Variants in RAD17 observed in about 807,000 individuals in gnomAD.
RAD17 encodes the protein cell cycle checkpoint protein RAD17.
RAD17 carries 31 observed loss-of-function variants against 81.5 expected under a neutral mutation model. The observed-to-expected ratio is 0.38, with a 90% CI of 0.29 to 0.51. RAD17 has a LOEUF of 0.51. Among genes scored for constraint, RAD17 ranks in the 20% least tolerant of loss-of-function variants. RAD17 has a pLI of 0.88. For missense variants in RAD17, 681 were observed against 781.2 expected (o/e 0.87, Z 1.53); for synonymous variants, 261 against 266.2 (o/e 0.98, Z 0.19).
chr5:69,397,869 G>A (rs1221789481), intron 16 of RAD17, among the ~76,000 whole-genome samples: 1 of 152,184 alleles, frequency 6.6e-6, no homozygotes, highest in Non-Finnish European at 1.5e-5. Context: ...TGTAATCCCA[G>A]CACTTTGGGA....
chr5:69,386,052 A>T lies in RAD17; in HGVS notation c.655A>T (p.Asn219Tyr). The T allele has an allele frequency of 8.2e-6, 13 of 1,592,312 alleles. No individual in the cohort carries two copies. The highest frequency in any genetic ancestry group is 1.1e-5 in the Non-Finnish European group (13 of 1,171,020). ...TTTTTATTTTCAATAGGATTTACCTAACCAGTTTTATCGGGATTCTCATAC... is the reference window on the plus strand; with the variant it reads ...TTTTTATTTTCAATAGGATTTACCTTACCAGTTTTATCGGGATTCTCATAC... ...KKIILVEDLP[N>Y]QFYRDSHTLH... Residue 219 changes from asparagine to tyrosine, a missense_variant, in exon 9 of 19, where the codon AAC becomes TAC. Asn to Tyr is a moderately radical substitution (Grantham distance 143). Transcript: ENST00000354868.
At chr5:69,374,489 C>T in intron 5 of RAD17, 139 bp from the exon 6 acceptor site, 1 of 555,162 alleles carries the variant, frequency 1.8e-6, no homozygotes, top group Non-Finnish European at 3.1e-6. Flanking sequence ...CAAGTATAAT[C>T]AAAAGGATCA....
At chr5:69,409,635 G>A (rs569946791) in intron 17 of RAD17, among the ~76,000 whole-genome samples, 1 of 152,282 alleles carries the variant, frequency 6.6e-6, no homozygotes, top group South Asian at 2.1e-4. Flanking sequence ...CTGTCATCCT[G>A]AAAGTTTACT....
intron 15 of RAD17, among the ~76,000 whole-genome samples, chr5:69,394,758 G>A (rs1764779788): frequency 6.6e-6 from 1 of 152,144 alleles, no homozygotes. Flanking sequence ...ATATTTCTGT[G>A]TGCTATAAAT....
chr5:69,391,152 C>T (rs996950852), intron 12 of RAD17, among the ~76,000 whole-genome samples: 1 of 150,668 alleles, frequency 6.6e-6, no homozygotes, highest in Non-Finnish European at 1.5e-5. Context: ...ATCGCTTGAA[C>T]CCAGGAGGCA....
chr5:69,380,662 A>G (rs1246414290), intron 6 of RAD17, among the ~76,000 whole-genome samples: 3 of 151,054 alleles, frequency 2.0e-5, no homozygotes, highest in East Asian at 3.9e-4. Flanking sequence ...TGTAGCTTCA[A>G]CTTTTTTTTT....
chr5:69,405,868 C>T (rs1454728993), intron 17 of RAD17, among the ~76,000 whole-genome samples: 1 of 151,824 alleles, frequency 6.6e-6, no homozygotes, highest in African/African-American at 2.4e-5. Context: ...TGGTGAAACC[C>T]CGTCTCTACC....
intron 12 of RAD17, among the ~76,000 whole-genome samples, chr5:69,389,429 T>C (rs762290973): frequency 1.3e-5 from 2 of 152,210 alleles, no homozygotes; most frequent in Non-Finnish European, 2.9e-5. Context: ...ACTTACCAGT[T>C]ATATAGGCCT....
At position 69,371,457 on chromosome 5, in the gene RAD17, A is replaced by C; in HGVS notation, c.-276A>C. ...TTCTTCCCCCCCCCCCCCCCAGGTGAATTATAGTTTAATGTACTGCAAGTC... is the reference window on the plus strand; with the variant it reads ...TTCTTCCCCCCCCCCCCCCCAGGTGCATTATAGTTTAATGTACTGCAAGTC... On this transcript the variant is annotated 5_prime_UTR_variant, in exon 3 of 19. Transcript: ENST00000354868. 11 of 322,728 alleles carry C rather than the reference A, an allele frequency of 3.4e-5. No homozygotes were observed. The highest frequency in any genetic ancestry group is 5.8e-5 in the Non-Finnish European group (10 of 172,796). The allele number at this position is 322,728 out of a possible 1,614,324, so 20.0% of individuals were successfully genotyped here. A position where few individuals can be genotyped will look rare whatever the true frequency, so the allele number is the denominator to read the frequency against.
intron 4 of RAD17, among the ~76,000 whole-genome samples, chr5:69,372,707 G>T (rs1415079869): frequency 1.3e-5 from 2 of 151,972 alleles, no homozygotes; most frequent in Non-Finnish European, 2.9e-5. Flanking sequence ...GACCTCCCGC[G>T]CTCAAGTGAT....
At chr5:69,412,235 C>T (rs1297285338) in intron 18 of RAD17, among the ~76,000 whole-genome samples, 3 of 152,268 alleles carry the variant, frequency 2.0e-5, no homozygotes, top group South Asian at 2.1e-4. Flanking sequence ...GGATTACAGG[C>T]GTGAGCCACC....
At chr5:69,413,417 C>T (rs1022136155) in intron 18 of RAD17, among the ~76,000 whole-genome samples, 7 of 150,870 alleles carry the variant, frequency 4.6e-5, no homozygotes, top group African/African-American at 7.3e-5. Context: ...CCTGCCTGGG[C>T]GATAGAGAAA....
chr5:69,369,335 C>G, upstream of RAD17: 1 of 1,046,032 alleles, frequency 9.6e-7, no homozygotes, highest in Non-Finnish European at 1.3e-6. Context: ...GCGCTGACAA[C>G]CGCCTCGTGG....
At chr5:69,377,474 T>TATATAC (rs1322869343) in intron 6 of RAD17, among the ~76,000 whole-genome samples, 113 of 10,142 alleles carry the variant, frequency 0.011, 4 homozygotes, top group African/African-American at 0.018. Flanking sequence ...TATATATATA[T>TATATAC]ACACACACAC....
chr5:69,407,967 T>A (rs777296914), intron 17 of RAD17, among the ~76,000 whole-genome samples: 7 of 152,260 alleles, frequency 4.6e-5, no homozygotes, highest in Non-Finnish European at 4.4e-5. Flanking sequence ...GTTCTTTTTA[T>A]AATTTTTGTC....
Position 69,373,694 on chromosome 5 carries a change from T to G in RAD17, c.10-136T>G, listed in dbSNP as rs1763157430. 3.7e-5 allele frequency: 17 copies of G among 459,112 alleles called. No individual in the cohort carries two copies. The Admixed American group carries it at 9.4e-4, about 25-fold the overall frequency. The allele number at this position is 459,112 out of a possible 1,614,324, so 28.4% of individuals were successfully genotyped here. On this transcript the variant is annotated intron_variant, in intron 4 of 18. Coordinates refer to ENST00000354868, the MANE Select transcript of RAD17 (RefSeq NM_133338.3). ...GACCCGGTCTCAAAAAAATTTTTTTTTTTTTTTTTTTTTTTTTTTTTTAAG... is the reference window on the plus strand; with the variant it reads ...GACCCGGTCTCAAAAAAATTTTTTTGTTTTTTTTTTTTTTTTTTTTTTAAG...
chr5:69,393,190 C>G lies in RAD17; in HGVS notation c.1225C>G (p.Pro409Ala). 1.2e-6 allele frequency: 2 copies of G among 1,611,568 alleles called. No individual in the cohort carries two copies. The highest frequency in any genetic ancestry group is 1.7e-6 in the Non-Finnish European group (2 of 1,178,654). The part of the protein sequence containing the change: ...SLTELDSPRL[P>A]SHLSEYERDT... The stretch of plus-strand genomic sequence containing the variant: ...AACAGAATTAGACTCACCTCGGTTG[C>G]CCTCTCATTTATCAGAATATGAACG... Residue 409 changes from proline (P) to alanine (A), a missense_variant, in exon 14 of 19, where the codon CCC becomes GCC. Pro to Ala is a conservative substitution (Grantham distance 27, BLOSUM62 -1). Transcript: ENST00000354868.
intron 4 of RAD17, 137 bp from the exon 5 acceptor site, chr5:69,373,686 ATTTTTTT>A (rs56385833): frequency 3.2e-4 from 81 of 251,842 alleles, no homozygotes; most frequent in African/African-American, 1.5e-3. Context: ...TCTCAAAAAA[ATTTTTTT>A]TTTTTTTTTT....
At chr5:69,386,005 A>C (rs1433970451) in intron 8 of RAD17, 38 bp from the exon 9 acceptor site, 2 of 1,469,468 alleles carry the variant, frequency 1.4e-6, no homozygotes, top group African/African-American at 1.4e-5. Context: ...TTGCAATGGA[A>C]TAAAACTATA....
Sources: gnomAD v4.1 joint callset for allele counts (sites outside exome capture counted in the v4.1 genomes callset) on GRCh38, gnomAD v4.1.1 for gene constraint, MANE v1.5 for transcripts, NCBI Gene and HGNC (gene_info 2026-07-23, HGNC 2026-07-21) for gene names.